Variants in FARS2 observed in about 807,000 individuals in gnomAD.
FARS2 encodes phenylalanine--tRNA ligase, mitochondrial.
FARS2 carries 40 observed loss-of-function variants against 46.4 expected under a neutral mutation model. That is an observed-to-expected ratio of 0.86 (90% CI 0.67 to 1.12). FARS2 has a LOEUF of 1.12. Among genes scored for constraint, FARS2 ranks in the 50% most tolerant of loss-of-function variants. FARS2 has a pLI of 0.00. For missense variants in FARS2, 513 were observed against 567.9 expected (o/e 0.90, Z 0.98); for synonymous variants, 234 against 214.9 (o/e 1.09, Z -0.78).
intron 5 of FARS2, among the ~76,000 whole-genome samples, chr6:5,602,217 T>G (rs1445124602): frequency 6.6e-6 from 1 of 152,116 alleles, no homozygotes; most frequent in Non-Finnish European, 1.5e-5. Context: ...GAAAGAAACT[T>G]TACTGAAATA....
intron 2 of FARS2, among the ~76,000 whole-genome samples, chr6:5,380,894 G>C (rs967784650): frequency 2.1e-4 from 32 of 151,868 alleles, no homozygotes; most frequent in South Asian, 4.1e-4. Context: ...TACAATGTTA[G>C]TCTTTAGCTG....
chr6:5,760,833 G>T (rs988013126), intron 6 of FARS2, among the ~76,000 whole-genome samples: 1 of 152,108 alleles, frequency 6.6e-6, no homozygotes, highest in African/African-American at 2.4e-5. Flanking sequence ...TTCATTTGGC[G>T]CCAGTCTGTG....
chr6:5,513,012 A>G (rs144755512), intron 4 of FARS2, among the ~76,000 whole-genome samples: 194 of 152,270 alleles, frequency 1.3e-3, no homozygotes, highest in African/African-American at 3.9e-3. Flanking sequence ...AGACACTCCA[A>G]TTGCAGATGC....
At chr6:5,477,110 A>G (rs1438549943) in intron 4 of FARS2, among the ~76,000 whole-genome samples, 1 of 152,188 alleles carries the variant, frequency 6.6e-6, no homozygotes, top group Non-Finnish European at 1.5e-5. Context: ...TCCATGTCCA[A>G]TTCAATTTAT....
At chr6:5,698,367 A>G (rs932831028) in intron 6 of FARS2, among the ~76,000 whole-genome samples, 3 of 152,116 alleles carry the variant, frequency 2.0e-5, no homozygotes, top group African/African-American at 7.2e-5. Context: ...TGCCACACGC[A>G]CCAGAATTCA....
At chr6:5,633,814 C>A (rs1245018260) in intron 6 of FARS2, among the ~76,000 whole-genome samples, 3 of 151,962 alleles carry the variant, frequency 2.0e-5, no homozygotes, top group Non-Finnish European at 4.4e-5. Flanking sequence ...CTTAATTGTT[C>A]AAGTCTTTTT....
Position 5,673,045 on chromosome 6 carries a change from G to C in FARS2, c.1217+59725G>C, listed in dbSNP as rs940249536. On this transcript the variant is annotated intron_variant, in intron 6 of 6. Coordinates refer to ENST00000274680, the MANE Select transcript of FARS2 (RefSeq NM_006567.5). ...TTATCTCCTCTGCCTTTGCAGTTTA[G>C]CATCAAGTCAGTCTACCAACCAAGA... 5.9e-5 allele frequency among the ~76,000 whole-genome samples: 9 copies of C among 152,266 alleles called. No individual in the cohort carries two copies. The South Asian group carries it at 6.2e-4, about 11-fold the overall frequency.
At chr6:5,637,541 C>T (rs1031830605) in intron 6 of FARS2, among the ~76,000 whole-genome samples, 25 of 152,184 alleles carry the variant, frequency 1.6e-4, no homozygotes, top group African/African-American at 6.0e-4. Context: ...ATATTCTTAC[C>T]AAATTTCTAT....
chr6:5,527,459 A>G (rs1769540139), intron 4 of FARS2, among the ~76,000 whole-genome samples: 1 of 152,236 alleles, frequency 6.6e-6, no homozygotes, highest in Non-Finnish European at 1.5e-5. Context: ...ACTCTTGTTA[A>G]TAAGGAATTT....
chr6:5,476,009 A>G (rs1766102529), intron 4 of FARS2, among the ~76,000 whole-genome samples: 1 of 152,208 alleles, frequency 6.6e-6, no homozygotes, highest in Non-Finnish European at 1.5e-5. Flanking sequence ...TGATTGGTTC[A>G]TTCATGGCAT....
intron 4 of FARS2, among the ~76,000 whole-genome samples, chr6:5,464,537 C>G (rs1318338693): frequency 1.3e-5 from 2 of 152,338 alleles, no homozygotes; most frequent in Admixed American, 6.5e-5. Flanking sequence ...TTTCCCTTCT[C>G]TGTTTCGAAT....
chr6:5,524,192 C>A (rs967371446), intron 4 of FARS2, among the ~76,000 whole-genome samples: 1 of 152,134 alleles, frequency 6.6e-6, no homozygotes, highest in Non-Finnish European at 1.5e-5. Flanking sequence ...AATATTAAGG[C>A]GAGCAATCCA....
intron 6 of FARS2, among the ~76,000 whole-genome samples, chr6:5,724,239 G>C (rs548290142): frequency 2.0e-5 from 3 of 152,234 alleles, no homozygotes; most frequent in Non-Finnish European, 2.9e-5. Flanking sequence ...GCAACCACCG[G>C]TGCCCTCCCT....
chr6:5,258,660 G>A (rs940428791), upstream of FARS2, among the ~76,000 whole-genome samples: 7 of 152,206 alleles, frequency 4.6e-5, no homozygotes, highest in Admixed American at 2.6e-4. Flanking sequence ...CAGGAATGTC[G>A]GTTTTTAGGT....
At chr6:5,712,445 G>A (rs1398257488) in intron 6 of FARS2, among the ~76,000 whole-genome samples, 1 of 152,164 alleles carries the variant, frequency 6.6e-6, no homozygotes, top group East Asian at 1.9e-4. Flanking sequence ...GGTAGGTCTG[G>A]GTACCTGGCA....
intron 6 of FARS2, among the ~76,000 whole-genome samples, chr6:5,725,361 G>A (rs895831814): frequency 3.3e-5 from 5 of 152,196 alleles, no homozygotes; most frequent in East Asian, 3.8e-4. Context: ...TTGGAACTGC[G>A]TTTGATGATC....
At chr6:5,681,943 C>T (rs536095240) in intron 6 of FARS2, among the ~76,000 whole-genome samples, 2 of 152,304 alleles carry the variant, frequency 1.3e-5, no homozygotes, top group African/African-American at 4.8e-5. Context: ...AATAAACTAA[C>T]GTGGTAAAGA....
At chr6:5,541,050 G>T (rs1770599307) in intron 4 of FARS2, among the ~76,000 whole-genome samples, 1 of 152,130 alleles carries the variant, frequency 6.6e-6, no homozygotes, top group Admixed American at 6.5e-5. Context: ...TTCCTAGGGG[G>T]TCTATGGATC....
chr6:5,533,568 T>G (rs1769994786), intron 4 of FARS2, among the ~76,000 whole-genome samples: 1 of 152,224 alleles, frequency 6.6e-6, no homozygotes, highest in Non-Finnish European at 1.5e-5. Context: ...CCAGTGAAGA[T>G]GCTGCCCTCA....
Sources: allele counts gnomAD v4.1 joint callset (sites outside exome capture counted in the v4.1 genomes callset), GRCh38; gene constraint gnomAD v4.1.1; transcripts MANE v1.5; gene names NCBI Gene and HGNC (gene_info 2026-07-23, HGNC 2026-07-21).